Variants in HERC3 observed in about 807,000 individuals in gnomAD.
HERC3 encodes the protein probable E3 ubiquitin-protein ligase HERC3.
In HERC3, 58 loss-of-function variants were observed where a neutral mutation model predicts 129.9. That is an observed-to-expected ratio of 0.45 (90% CI 0.36 to 0.56). HERC3 has a LOEUF of 0.56. Ranked by LOEUF, HERC3 falls within the 20% of genes least tolerant of loss-of-function variation. The probability of loss-of-function intolerance (pLI) is 0.00; values close to 1 mark genes in which losing one functional copy is unlikely to be tolerated. For missense variants in HERC3, 835 were observed against 1,244.2 expected (o/e 0.67, Z 4.95); for synonymous variants, 430 against 451.0 (o/e 0.95, Z 0.59).
chr4:88,637,480 C>T (rs546041992), intron 3 of HERC3, among the ~76,000 whole-genome samples: 1 of 152,242 alleles, frequency 6.6e-6, no homozygotes, highest in South Asian at 2.1e-4. Context: ...GAACAACCTG[C>T]TCCTGAATGA....
rs113930959 is a variant in HERC3, at chr4:88,636,641, C to G, written c.227-13199C>G. Reference sequence around the variant, plus strand: ...TGAACTGAGCTCTGGATCAAGTGGACCTAATAGATATCTACAGAGCTCTCC... The same window carrying G: ...TGAACTGAGCTCTGGATCAAGTGGAGCTAATAGATATCTACAGAGCTCTCC... On this transcript the variant is annotated intron_variant, in intron 3 of 25. Transcript: ENST00000402738. 3.0e-3 allele frequency among the ~76,000 whole-genome samples: 463 copies of G among 152,260 alleles called. 4 individuals carry two copies. The highest frequency in any genetic ancestry group is 0.01 in the African/African-American group (436 of 41,546).
chr4:88,535,253 C>T, the HERC3 span, among the ~76,000 whole-genome samples: 1 of 152,198 alleles, frequency 6.6e-6, no homozygotes, highest in African/African-American at 2.4e-5. Context: ...CCTGGCCTGC[C>T]AGCACCTAGG....
At chr4:88,631,710 T>C (rs1726781741) in intron 3 of HERC3, among the ~76,000 whole-genome samples, 2 of 152,216 alleles carry the variant, frequency 1.3e-5, no homozygotes, top group Admixed American at 1.3e-4. Context: ...GAAACATTCA[T>C]GGGAGAGCTG....
chr4:88,644,544 TAAA>T (rs1167838431), intron 3 of HERC3, among the ~76,000 whole-genome samples: 1 of 152,150 alleles, frequency 6.6e-6, no homozygotes, highest in African/African-American at 2.4e-5. Flanking sequence ...CATGACAGCA[TAAA>T]AAACTCAAAA....
chr4:88,644,933 G>T (rs557257833), intron 3 of HERC3, among the ~76,000 whole-genome samples: 2 of 152,170 alleles, frequency 1.3e-5, no homozygotes, highest in South Asian at 4.1e-4. Flanking sequence ...TCAGATACAG[G>T]AACAAACAAA....
intron 1 of HERC3, among the ~76,000 whole-genome samples, chr4:88,594,856 T>A (rs1477029102): frequency 6.6e-6 from 1 of 151,926 alleles, no homozygotes; most frequent in Non-Finnish European, 1.5e-5. Flanking sequence ...ATCCCAGCAC[T>A]TTGGGCGGCT....
At chr4:88,689,513 C>T (rs1287256474) in intron 23 of HERC3, among the ~76,000 whole-genome samples, 4 of 141,294 alleles carry the variant, frequency 2.8e-5, no homozygotes, top group African/African-American at 5.6e-5. Context: ...AGCAAGACCT[C>T]ATCTCCCCCC....
intron 3 of HERC3, among the ~76,000 whole-genome samples, chr4:88,620,918 G>T (rs1560684586): frequency 1.3e-5 from 2 of 152,124 alleles, no homozygotes; most frequent in Admixed American, 6.5e-5. Context: ...ACTACCCTGT[G>T]TTTCCTACCC....
At chr4:88,699,398 C>T (rs1735114659) in intron 23 of HERC3, among the ~76,000 whole-genome samples, 1 of 129,440 alleles carries the variant, frequency 7.7e-6, no homozygotes, top group Non-Finnish European at 1.6e-5. Flanking sequence ...GTCTTCTTCC[C>T]CACCTTCCCC....
chr4:88,698,094 T>G (rs1368888050), intron 23 of HERC3, among the ~76,000 whole-genome samples: 1 of 152,152 alleles, frequency 6.6e-6, no homozygotes, highest in African/African-American at 2.4e-5. Flanking sequence ...CCGAGGTGCT[T>G]CTTCAGGAAC....
the HERC3 span, among the ~76,000 whole-genome samples, chr4:88,579,966 G>T: frequency 6.6e-6 from 1 of 152,286 alleles, no homozygotes; most frequent in African/African-American, 2.4e-5. Flanking sequence ...AGCCAGCCTT[G>T]TCAATATGTT....
intron 16 of HERC3, among the ~76,000 whole-genome samples, chr4:88,671,500 AG>A (rs1417621968): frequency 6.6e-6 from 1 of 152,198 alleles, no homozygotes; most frequent in African/African-American, 2.4e-5. Flanking sequence ...TTTTTAAATA[AG>A]ATTTTATGAT....
intron 3 of HERC3, among the ~76,000 whole-genome samples, chr4:88,623,575 C>A (rs573841711): frequency 6.6e-6 from 1 of 152,262 alleles, no homozygotes; most frequent in East Asian, 1.9e-4. Flanking sequence ...GTTCGTTGTC[C>A]CTCACGTGGG....
chr4:88,599,242 C>T (rs1338990529), intron 2 of HERC3, among the ~76,000 whole-genome samples: 2 of 152,180 alleles, frequency 1.3e-5, no homozygotes, highest in African/African-American at 2.4e-5. Flanking sequence ...AACTTCTCTC[C>T]TGAAAGCTAG....
At chr4:88,606,946 C>T (rs1335715534) in intron 3 of HERC3, among the ~76,000 whole-genome samples, 2 of 152,164 alleles carry the variant, frequency 1.3e-5, no homozygotes, top group Non-Finnish European at 2.9e-5. Flanking sequence ...TTCCTGATTA[C>T]CTATATTCAT....
At position 88,655,887 on chromosome 4, in the gene HERC3, A is replaced by T. The variant is rs1345721043; in HGVS notation, c.921A>T (p.Leu307=). 2.5e-6 allele frequency: 4 copies of T among 1,612,516 alleles called. No individual in the cohort carries two copies. In the African/African-American group the frequency reaches 5.3e-5, roughly 22 times the overall value. The part of the protein sequence containing the change: ...TQIACGRQHT[L]AFVPSSGLIY... ...TATTTTTTCACAGACAACATACCCT[A>T]GCCTTCGTGCCTTCTTCTGGACTCA... Residue 307 remains leucine (L), a synonymous_variant, in exon 9 of 26, where the codon CTA becomes CTT. Coordinates refer to ENST00000402738, the MANE Select transcript of HERC3 (RefSeq NM_014606.3).
chr4:88,692,443 C>G (rs1734169248), intron 23 of HERC3, among the ~76,000 whole-genome samples: 4 of 152,064 alleles, frequency 2.6e-5, no homozygotes, highest in Admixed American at 2.6e-4. Flanking sequence ...CAAAGGGCAT[C>G]TAGATTCCGT....
intron 3 of HERC3, among the ~76,000 whole-genome samples, chr4:88,637,419 C>CT (rs1030974934): frequency 3.9e-4 from 59 of 151,708 alleles, no homozygotes; most frequent in Non-Finnish European, 6.0e-4. Flanking sequence ...GAGTGAGACT[C>CT]TGTCTCCAAA....
chr4:88,666,339 A>G (rs960369963), intron 12 of HERC3, among the ~76,000 whole-genome samples: 12 of 152,184 alleles, frequency 7.9e-5, no homozygotes, highest in African/African-American at 2.9e-4. Flanking sequence ...GTATAGATAA[A>G]ACATTTTGTT....
Sources: gnomAD v4.1 joint callset for allele counts (sites outside exome capture counted in the v4.1 genomes callset) on GRCh38, gnomAD v4.1.1 for gene constraint, MANE v1.5 for transcripts, NCBI Gene and HGNC (gene_info 2026-07-23, HGNC 2026-07-21) for gene names.